The following RB1 variants were observed in gnomAD, a reference collection of about 807,000 sequenced individuals.
RB1 encodes the protein retinoblastoma-associated protein.
RB1 carries 18 observed loss-of-function variants against 135.4 expected under a neutral mutation model. The observed-to-expected ratio is 0.13, with a 90% CI of 0.09 to 0.20. The LOEUF is 0.20. Among genes scored for constraint, RB1 ranks in the 10% least tolerant of loss-of-function variants. The probability of loss-of-function intolerance (pLI) is 1.00; values close to 1 mark genes in which losing one functional copy is unlikely to be tolerated. For missense variants in RB1, 868 were observed against 1,110.0 expected (o/e 0.78, Z 3.10); for synonymous variants, 365 against 373.2 (o/e 0.98, Z 0.25).
chr13:48,394,547 G>T lies in RB1; in HGVS notation c.1695+13104G>T, dbSNP rs140868512. ...TCACAGCAGTCTGAGGTCGACCTGGGATGGTAGAGCTAGGTAGGGGGAGGG... is the reference window on the plus strand; with the variant it reads ...TCACAGCAGTCTGAGGTCGACCTGGTATGGTAGAGCTAGGTAGGGGGAGGG... On this transcript the variant is annotated intron_variant, in intron 17 of 26. Transcript: ENST00000267163. 6.6e-4 allele frequency among the ~76,000 whole-genome samples: 100 copies of T among 152,306 alleles called. 5 individuals carry two copies. In the East Asian group the frequency reaches 0.017, roughly 26 times the overall value.
chr13:48,341,464 A>G (rs1209133051), intron 2 of RB1: 1 of 151,996 alleles, frequency 6.6e-6, no homozygotes, highest in Non-Finnish European at 1.5e-5. Context: ...AAAAGTGCAT[A>G]TTTAACTTTA....
At chr13:48,316,312 G>A (rs959189729) in intron 2 of RB1, among the ~76,000 whole-genome samples, 11 of 151,864 alleles carry the variant, frequency 7.2e-5, no homozygotes, top group South Asian at 2.1e-4. Flanking sequence ...GCTGTCCTGC[G>A]AGCTTCCCGA....
chr13:48,386,704 A>G (rs908578491), intron 17 of RB1, among the ~76,000 whole-genome samples: 2 of 152,204 alleles, frequency 1.3e-5, no homozygotes, highest in Admixed American at 6.6e-5. Flanking sequence ...AGAAACTTGT[A>G]TCCACCACTG....
chr13:48,317,019 G>A (rs1254516156), intron 2 of RB1: 2 of 570,572 alleles, frequency 3.5e-6, no homozygotes, highest in African/African-American at 3.9e-5. Context: ...GCTTTCCTCC[G>A]AGCCCGAGTT....
chr13:48,424,526 T>C (rs949821068), intron 17 of RB1, among the ~76,000 whole-genome samples: 4 of 152,132 alleles, frequency 2.6e-5, no homozygotes, highest in Non-Finnish European at 4.4e-5. Context: ...GGAGTGAAAA[T>C]GTTATTGTGG....
chr13:48,324,850 T>TTTG (rs1952272711), intron 2 of RB1, among the ~76,000 whole-genome samples: 1 of 150,884 alleles, frequency 6.6e-6, no homozygotes, highest in Non-Finnish European at 1.5e-5. Context: ...TTTGTTTTTT[T>TTTG]TTTGTTTGTT....
At chr13:48,317,918 G>T in intron 2 of RB1, 1 of 406,142 alleles carries the variant, frequency 2.5e-6, no homozygotes, top group Non-Finnish European at 4.7e-6. Flanking sequence ...CCCTCTGCCT[G>T]AACTTCTGAA....
At position 48,380,250 on chromosome 13, in the gene RB1, A is replaced by C; in HGVS notation, c.1498+9A>C. On this transcript the variant is annotated intron_variant, in intron 16 of 26. Coordinates refer to ENST00000267163, the MANE Select transcript of RB1 (RefSeq NM_000321.3). ...AATGGCCACATATAGCAGTAAGTTA[A>C]ATTTTCATAAATAAACACTTTTGTT... The C allele has an allele frequency of 6.4e-7, 1 of 1,560,104 alleles. No homozygotes were observed. Among genetic ancestry groups the C allele is most frequent in the East Asian group, 2.3e-5 (1 of 44,364 alleles).
At chr13:48,337,727 G>A (rs1266321639) in intron 2 of RB1, among the ~76,000 whole-genome samples, 1 of 152,304 alleles carries the variant, frequency 6.6e-6, no homozygotes, top group Admixed American at 6.5e-5. Flanking sequence ...TCATTATGAT[G>A]TTAGCTGGTG....
At chr13:48,306,028 A>T (rs1251152172) in intron 1 of RB1, among the ~76,000 whole-genome samples, 1 of 152,228 alleles carries the variant, frequency 6.6e-6, no homozygotes, top group Non-Finnish European at 1.5e-5. Context: ...CATGCTACTC[A>T]GGAGGCTGAG....
chr13:48,391,067 G>A (rs539520177), intron 17 of RB1, among the ~76,000 whole-genome samples: 1 of 151,682 alleles, frequency 6.6e-6, no homozygotes, highest in East Asian at 1.9e-4. Flanking sequence ...CTTTTGGATT[G>A]AATTTTTAAA....
rs774892592 is a variant in RB1, at chr13:48,342,725, T to C, written c.380+11T>C. On this transcript the variant is annotated intron_variant, in intron 3 of 26. Transcript: ENST00000267163. ...AAACATAGAAATCAGGTAAAGTTTC[T>C]TGTATAAATATAAGCCTCTGCCATA... The C allele has an allele frequency of 6.5e-7, 1 of 1,546,218 alleles. No individual in the cohort carries two copies. The highest frequency in any genetic ancestry group is 8.9e-7 in the Non-Finnish European group (1 of 1,118,754).
At chr13:48,393,639 C>T (rs1453314175) in intron 17 of RB1, among the ~76,000 whole-genome samples, 13 of 152,138 alleles carry the variant, frequency 8.5e-5, no homozygotes, top group Admixed American at 8.5e-4. Flanking sequence ...TGTACACTTA[C>T]AGAATATTTA....
At chr13:48,471,573 T>TTTAAAAA (rs71072103) in intron 23 of RB1, among the ~76,000 whole-genome samples, 2 of 133,970 alleles carry the variant, frequency 1.5e-5, no homozygotes, top group African/African-American at 5.5e-5. Context: ...AAAATATAAA[T>TTTAAAAA]AAAAAAAAAA....
At chr13:48,359,666 G>A (rs1952621543) in intron 6 of RB1, among the ~76,000 whole-genome samples, 1 of 149,274 alleles carries the variant, frequency 6.7e-6, no homozygotes, top group Non-Finnish European at 1.5e-5. Flanking sequence ...TCTTTCTCTG[G>A]AGTAATACAT....
At chr13:48,430,264 A>C (rs144913033) in intron 17 of RB1, among the ~76,000 whole-genome samples, 1 of 152,326 alleles carries the variant, frequency 6.6e-6, no homozygotes, top group East Asian at 1.9e-4. Flanking sequence ...AGTGGAGAAA[A>C]TTCAGGATAA....
Position 48,342,704 on chromosome 13 carries a change from A to G in RB1, c.370A>G (p.Ile124Val), listed in dbSNP as rs769858139. The change falls in exon 3 of 27, where the codon ATA becomes GTA. Residue 124 changes from isoleucine (I) to valine (V), a missense_variant. Physicochemically the swap from Ile to Val is conservative, Grantham distance 29. This residue lies in a region of RB1 where 641 missense variants were observed against 791.3 expected (regional missense o/e 0.81). Transcript: ENST00000267163. The stretch of plus-strand genomic sequence containing the variant: ...CACTTTTACTGAGCTACAGAAAAAC[A>G]TAGAAATCAGGTAAAGTTTCTTGTA... ...SFTFTELQKN[I>V]EISVHKFFNL... 6 of 1,598,910 alleles carry G rather than the reference A, an allele frequency of 3.8e-6. No individual in the cohort carries two copies. The highest frequency in any genetic ancestry group is 1.1e-5 in the South Asian group (1 of 90,728).
At position 48,425,629 on chromosome 13, in the gene RB1, G is replaced by C. The variant is rs563209221; in HGVS notation, c.1696-27364G>C. 1.1e-4 allele frequency among the ~76,000 whole-genome samples: 16 copies of C among 152,176 alleles called. No homozygotes were observed. In the South Asian group the frequency reaches 2.1e-3, roughly 20 times the overall value. The stretch of plus-strand genomic sequence containing the variant: ...CCTACTCAGGAGGCAGAGGTAGGAG[G>C]ATCTCTTGAGCCCAGGAATTCCAGT... On this transcript the variant is annotated intron_variant, in intron 17 of 26. Coordinates refer to ENST00000267163, the MANE Select transcript of RB1 (RefSeq NM_000321.3).
chr13:48,452,563 A>G (rs985759732), intron 17 of RB1, among the ~76,000 whole-genome samples: 3 of 151,900 alleles, frequency 2.0e-5, no homozygotes, highest in African/African-American at 7.3e-5. Flanking sequence ...CTGCCTATCT[A>G]TCTCTTTTCT....
Sources: gnomAD v4.1 joint callset for allele counts (sites outside exome capture counted in the v4.1 genomes callset) on GRCh38, gnomAD v4.1.1 for gene constraint, gnomAD v4.1.1 regional missense constraint, MANE v1.5 for transcripts, NCBI Gene and HGNC (gene_info 2026-07-23, HGNC 2026-07-21) for gene names.